The following MROH2B variants were observed in gnomAD, a reference collection of about 807,000 sequenced individuals.
MROH2B encodes maestro heat like repeat family member 2B, also known as maestro heat-like repeat-containing protein family member 2B.
Under a neutral mutation model 208.6 loss-of-function variants are expected in MROH2B, and 177 were observed. The ratio of observed to expected loss-of-function variants is 0.85; its 90% CI spans 0.75 to 0.96. The LOEUF is 0.96. Ranked by LOEUF, MROH2B falls within the 40% of genes least tolerant of loss-of-function variation. MROH2B has a pLI of 0.00. For missense variants in MROH2B, 2,002 were observed against 1,878.7 expected, an observed-to-expected ratio of 1.07 and a Z score of -1.21; for synonymous variants, 728 against 659.0, an observed-to-expected ratio of 1.10 and a Z score of -1.60.
At chr5:41,033,914 G>C in intron 21 of MROH2B, 50 bp from the exon 22 acceptor site, 2 of 1,546,808 alleles carry the variant, frequency 1.3e-6, no homozygotes, top group Middle Eastern at 3.4e-4. Context: ...GGCATTGAGA[G>C]ATATACCCAA....
chr5:41,005,504 T>G (rs761530072), intron 35 of MROH2B, 27 bp downstream of exon 35: 1 of 1,383,778 alleles, frequency 7.2e-7, no homozygotes, highest in South Asian at 1.2e-5. Context: ...ACCCAGTGAG[T>G]GTGCTCTGAG....
chr5:41,031,058 G>A (rs1419901346), intron 24 of MROH2B, among the ~76,000 whole-genome samples: 1 of 151,974 alleles, frequency 6.6e-6, no homozygotes, highest in African/African-American at 2.4e-5. Context: ...AAAAATGGAG[G>A]ACTAGAAATA....
At chr5:41,012,760 G>A (rs542511018) in intron 29 of MROH2B, 25 bp from the exon 30 acceptor site, 81 of 1,612,134 alleles carry the variant, frequency 5.0e-5, no homozygotes, top group East Asian at 8.9e-5. Context: ...AGAAAGATTC[G>A]TGTAATCAAC....
chr5:41,038,944 C>T (rs973665925), intron 20 of MROH2B, 56 bp from the exon 21 acceptor site: 396 of 1,516,650 alleles, frequency 2.6e-4, no homozygotes, highest in Non-Finnish European at 3.3e-4. Context: ...TCTATTTTCT[C>T]TCATGTTTTT....
In MROH2B at chr5:41,071,211, C is replaced by T. The variant is rs1340855598; in HGVS notation, c.-359G>A. ...TGTTGCAGACCAAAGGTGCTCCTCTCCCTAAACTTGAGTCCATTGATCACA... is the reference window on the plus strand; with the variant it reads ...TGTTGCAGACCAAAGGTGCTCCTCTTCCTAAACTTGAGTCCATTGATCACA... On this transcript the variant is annotated 5_prime_UTR_variant, in exon 1 of 42. Coordinates refer to ENST00000399564, the MANE Select transcript of MROH2B (RefSeq NM_173489.5). 5 of 237,610 alleles carry T rather than the reference C, an allele frequency of 2.1e-5. No homozygotes were observed. The highest frequency in any genetic ancestry group is 4.1e-5 in the Non-Finnish European group (5 of 122,160). The allele number at this position is 237,610 out of a possible 1,614,324, so 14.7% of individuals were successfully genotyped here.
chr5:41,050,219 G>A (rs1743245422), intron 13 of MROH2B, among the ~76,000 whole-genome samples: 1 of 152,106 alleles, frequency 6.6e-6, no homozygotes, highest in Non-Finnish European at 1.5e-5. Context: ...TTTAGCTCTT[G>A]CTTAAAATTT....
At chr5:41,006,051 AAAG>A (rs1393228962) in intron 34 of MROH2B, among the ~76,000 whole-genome samples, 1 of 151,784 alleles carries the variant, frequency 6.6e-6, no homozygotes, top group African/African-American at 2.4e-5. Flanking sequence ...AAAAAAGAAA[AAAG>A]AAAAAAGAAA....
At chr5:41,024,642 C>T (rs967868142) in intron 24 of MROH2B, among the ~76,000 whole-genome samples, 1 of 152,186 alleles carries the variant, frequency 6.6e-6, no homozygotes, top group Non-Finnish European at 1.5e-5. Context: ...AGAAAGTTAA[C>T]AAGGATATCC....
At chr5:41,025,732 A>T (rs1000808722) in intron 24 of MROH2B, among the ~76,000 whole-genome samples, 4 of 152,186 alleles carry the variant, frequency 2.6e-5, no homozygotes, top group African/African-American at 9.7e-5. Context: ...GACACAACAA[A>T]AAAAAGAGAA....
chr5:41,006,343 T>G (rs908613470), intron 34 of MROH2B, among the ~76,000 whole-genome samples: 4 of 151,930 alleles, frequency 2.6e-5, no homozygotes, highest in African/African-American at 9.7e-5. Context: ...AAAAAAAAGG[T>G]GTTGGCATGG....
Position 41,009,391 on chromosome 5 carries a change from C to CA in MROH2B, c.3308dup (p.Leu1103PhefsTer7). 1 of 1,613,824 alleles carries CA rather than the reference C, an allele frequency of 6.2e-7. No homozygotes were observed. Among genetic ancestry groups the CA allele is most frequent in the South Asian group, 1.1e-5 (1 of 91,082 alleles). ...CTGGCTTTTCAGCCAGCGCCTTCCA[C>CA]AATGTCTTTGTGTCCCTAGGGTGGC... is the stretch of plus-strand genomic sequence containing the variant. On this transcript the variant is annotated frameshift_variant, in exon 32 of 42. Transcript: ENST00000399564. LOFTEE classifies it high-confidence loss of function.
chr5:41,061,450 C>T, intron 6 of MROH2B, 120 bp downstream of exon 6: 2 of 863,566 alleles, frequency 2.3e-6, no homozygotes, highest in Non-Finnish European at 3.3e-6. Context: ...TGATAAATCT[C>T]ATAAAATACA....
At chr5:41,034,000 T>A in intron 21 of MROH2B, 136 bp from the exon 22 acceptor site, 5 of 1,184,330 alleles carry the variant, frequency 4.2e-6, no homozygotes, top group South Asian at 1.7e-5. Flanking sequence ...AGGGGGGTCT[T>A]GCCAAGGGGA....
Position 41,049,377 on chromosome 5 carries a change from C to G in MROH2B, c.1404G>C (p.Glu468Asp). 6.2e-7 allele frequency: 1 copy of G among 1,613,732 alleles called. No homozygotes were observed. The highest frequency in any genetic ancestry group is 8.5e-7 in the Non-Finnish European group (1 of 1,179,750). ...GAATTCTGATGATACTAAACAGGGG[C>G]TCCAGAGCTTCTGTGTATTCTGCAG... ...VVPAEYTEAL[E>D]PLFSIIRILI... The change falls in exon 14 of 42, where the codon GAG becomes GAC. Residue 468 changes from glutamate (E) to aspartate (D), a missense_variant. Transcript: ENST00000399564.
At chr5:41,018,285 A>T in intron 27 of MROH2B, 56 bp downstream of exon 27, 1 of 1,506,406 alleles carries the variant, frequency 6.6e-7, no homozygotes, top group Non-Finnish European at 9.1e-7. Context: ...CAGAGATCTC[A>T]GAGATCCCTG....
At chr5:41,021,757 G>A (rs568844590) in intron 24 of MROH2B, among the ~76,000 whole-genome samples, 1 of 152,052 alleles carries the variant, frequency 6.6e-6, no homozygotes, top group Admixed American at 6.6e-5. Flanking sequence ...CTCACCTGTG[G>A]TCCCAGATAC....
Position 41,065,321 on chromosome 5 carries a change from C to A in MROH2B, c.361+10G>T. 1 of 1,601,824 alleles carries A rather than the reference C, an allele frequency of 6.2e-7. No homozygotes were observed. The highest frequency in any genetic ancestry group is 8.5e-7 in the Non-Finnish European group (1 of 1,174,864). Reference sequence around the variant, plus strand: ...TTCCCAGGGAAAATTGGAGAATATTCCCGCTATACCATAGCTGGTTGCCAA... The same window carrying A: ...TTCCCAGGGAAAATTGGAGAATATTACCGCTATACCATAGCTGGTTGCCAA... On this transcript the variant is annotated intron_variant, in intron 4 of 41. Coordinates refer to ENST00000399564, the MANE Select transcript of MROH2B (RefSeq NM_173489.5).
intron 20 of MROH2B, 120 bp from the exon 21 acceptor site, chr5:41,039,008 G>T (rs1216139161): frequency 5.6e-6 from 5 of 886,654 alleles, no homozygotes; most frequent in Non-Finnish European, 8.4e-6. Flanking sequence ...GGGATGATTC[G>T]AATAAGTCTA....
chr5:41,055,530 G>T (rs1018549384), intron 10 of MROH2B, among the ~76,000 whole-genome samples: 4 of 151,228 alleles, frequency 2.6e-5, no homozygotes, highest in African/African-American at 9.7e-5. Flanking sequence ...TCTCAACTGG[G>T]TGCATCCATA....
Sources: gnomAD v4.1 joint callset for allele counts (sites outside exome capture counted in the v4.1 genomes callset) on GRCh38, gnomAD v4.1.1 for gene constraint, MANE v1.5 for transcripts, NCBI Gene and HGNC (gene_info 2026-07-23, HGNC 2026-07-21) for gene names.